Variants in GLIS3 observed in about 807,000 individuals in gnomAD.
GLIS3 encodes the protein zinc finger protein GLIS3.
A neutral mutation model predicts 78.6 loss-of-function variants in GLIS3; 53 were observed. That is an observed-to-expected ratio of 0.67 (90% CI 0.54 to 0.85). GLIS3 has a LOEUF of 0.85. GLIS3 is among the 40% of genes least tolerant of loss of function. The probability of loss-of-function intolerance (pLI) is 0.00; values close to 1 mark genes in which losing one functional copy is unlikely to be tolerated. For synonymous variants in GLIS3, 684 were observed against 509.9 expected, an observed-to-expected ratio of 1.34 and a Z score of -4.60; for missense variants, 1,703 against 1,231.1, an observed-to-expected ratio of 1.38 and a Z score of -5.74.
At chr9:4,271,522 G>T (rs1326016640) in intron 2 of GLIS3, among the ~76,000 whole-genome samples, 1 of 152,206 alleles carries the variant, frequency 6.6e-6, no homozygotes, top group Non-Finnish European at 1.5e-5. Context: ...GATGTATAAA[G>T]AGAAGCACAG....
chr9:3,842,725 G>A (rs1329405554), intron 9 of GLIS3, among the ~76,000 whole-genome samples: 1 of 152,170 alleles, frequency 6.6e-6, no homozygotes, highest in African/African-American at 2.4e-5. Flanking sequence ...CTGGAATTCT[G>A]TATATTTAAT....
the GLIS3 span, among the ~76,000 whole-genome samples, chr9:4,442,818 C>G: frequency 6.6e-6 from 1 of 151,458 alleles, no homozygotes; most frequent in Non-Finnish European, 1.5e-5. Context: ...CATTTTTTTT[C>G]TCCCTCTTCG....
At position 3,988,094 on chromosome 9, in the gene GLIS3, A is replaced by T. The variant is rs575496072; in HGVS notation, c.1711-50905T>A. 5.5e-4 allele frequency among the ~76,000 whole-genome samples: 84 copies of T among 152,290 alleles called. 2 individuals carry two copies. In the South Asian group the frequency reaches 0.016, roughly 29 times the overall value. On this transcript the variant is annotated intron_variant, in intron 4 of 10. Coordinates refer to ENST00000381971, the MANE Select transcript of GLIS3 (RefSeq NM_001042413.2). Reference sequence around the variant, plus strand: ...AATCAAGCTAATGACTGGGCTTTTTAATCTGTAACCATGGAGTCCAGAATC... The same window carrying T: ...AATCAAGCTAATGACTGGGCTTTTTTATCTGTAACCATGGAGTCCAGAATC...
At chr9:4,482,187 C>T in the GLIS3 span, among the ~76,000 whole-genome samples, 12 of 152,142 alleles carry the variant, frequency 7.9e-5, no homozygotes, top group Non-Finnish European at 1.8e-4. Flanking sequence ...TCTTTCATAT[C>T]CTAAAATGAA....
At chr9:3,906,555 G>A (rs544193534) in intron 6 of GLIS3, among the ~76,000 whole-genome samples, 2 of 152,156 alleles carry the variant, frequency 1.3e-5, no homozygotes, top group Non-Finnish European at 2.9e-5. Context: ...TGTTAACACT[G>A]AGATGACTCC....
At chr9:4,464,383 A>AT in the GLIS3 span, among the ~76,000 whole-genome samples, 445 of 151,190 alleles carry the variant, frequency 2.9e-3, 4 homozygotes, top group Middle Eastern at 6.8e-3. Flanking sequence ...TTATAATTTT[A>AT]TTTTTTTAAT....
intron 7 of GLIS3, among the ~76,000 whole-genome samples, chr9:3,890,009 A>C (rs1822327267): frequency 6.6e-6 from 1 of 152,174 alleles, no homozygotes; most frequent in Non-Finnish European, 1.5e-5. Flanking sequence ...TTTTTTAGAC[A>C]CCTGAGAGTA....
At chr9:4,391,891 C>T in the GLIS3 span, among the ~76,000 whole-genome samples, 1 of 152,194 alleles carries the variant, frequency 6.6e-6, no homozygotes, top group Non-Finnish European at 1.5e-5. Context: ...CTAGCAATCC[C>T]ATTACTGGGT....
intron 6 of GLIS3, among the ~76,000 whole-genome samples, chr9:3,900,330 A>G (rs1169000918): frequency 1.3e-5 from 2 of 152,176 alleles, no homozygotes; most frequent in East Asian, 3.8e-4. Flanking sequence ...AGGTACAGTG[A>G]GAGAGGCATT....
intron 2 of GLIS3, among the ~76,000 whole-genome samples, chr9:4,270,888 GGTGTGTGTGTGTGTGTGTGTGT>G (rs148679668): frequency 3.1e-3 from 457 of 146,898 alleles, no homozygotes; most frequent in African/African-American, 8.4e-3. Flanking sequence ...CAATCTGTGT[GGTGTGTGTGTGTGTGTGTGTGT>G]GTGTGTGTGT....
chr9:4,161,646 C>A (rs1835486581), intron 2 of GLIS3, among the ~76,000 whole-genome samples: 1 of 143,948 alleles, frequency 6.9e-6, no homozygotes, highest in African/African-American at 2.5e-5. Flanking sequence ...ACAGGATTTT[C>A]TTCTCTCCAA....
At chr9:3,995,786 A>T (rs1028239160) in intron 4 of GLIS3, among the ~76,000 whole-genome samples, 2 of 152,160 alleles carry the variant, frequency 1.3e-5, no homozygotes, top group Non-Finnish European at 2.9e-5. Flanking sequence ...AGAAAAAAAT[A>T]TGAAGGACAG....
chr9:4,469,021 G>A, the GLIS3 span, among the ~76,000 whole-genome samples: 2 of 152,026 alleles, frequency 1.3e-5, no homozygotes, highest in South Asian at 4.2e-4. Context: ...AACCAACAAA[G>A]ATCAAAAGAG....
the GLIS3 span, among the ~76,000 whole-genome samples, chr9:4,375,609 A>G: frequency 4.6e-5 from 7 of 152,226 alleles, no homozygotes; most frequent in Non-Finnish European, 8.8e-5. Context: ...GGATGTAAAA[A>G]GTAACAACTA....
chr9:4,366,803 C>G, the GLIS3 span, among the ~76,000 whole-genome samples: 1 of 152,184 alleles, frequency 6.6e-6, no homozygotes, highest in Non-Finnish European at 1.5e-5. Flanking sequence ...ACTGCCATAA[C>G]GGTCTTGTCA....
At chr9:3,938,271 T>C (rs1826004509) in intron 4 of GLIS3, among the ~76,000 whole-genome samples, 3 of 152,128 alleles carry the variant, frequency 2.0e-5, no homozygotes, top group Admixed American at 1.3e-4. Flanking sequence ...ATAATACATT[T>C]AAAGCAATTA....
At chr9:4,085,887 C>T (rs2130724438) in intron 4 of GLIS3, among the ~76,000 whole-genome samples, 1 of 152,316 alleles carries the variant, frequency 6.6e-6, no homozygotes, top group East Asian at 1.9e-4. Context: ...CACTATGCTT[C>T]CTGTAAAGCC....
intron 7 of GLIS3, among the ~76,000 whole-genome samples, chr9:3,894,385 C>T (rs1249761899): frequency 6.6e-6 from 1 of 152,168 alleles, no homozygotes; most frequent in Non-Finnish European, 1.5e-5. Flanking sequence ...CTATATGAAG[C>T]ACTTTTACAG....
At chr9:4,379,996 G>A in the GLIS3 span, among the ~76,000 whole-genome samples, 3 of 151,976 alleles carry the variant, frequency 2.0e-5, no homozygotes, top group South Asian at 6.2e-4. Context: ...TCCAATCTTG[G>A]CTTTGCAAGT....
Sources: allele counts gnomAD v4.1 joint callset (sites outside exome capture counted in the v4.1 genomes callset), GRCh38; gene constraint gnomAD v4.1.1; transcripts MANE v1.5; gene names NCBI Gene and HGNC (gene_info 2026-07-23, HGNC 2026-07-21).